The following ZNF492 variants were observed in gnomAD, a reference collection of about 807,000 sequenced individuals.
ZNF492 encodes zinc finger protein 115 (Y20).
Under a neutral mutation model 6.4 loss-of-function variants are expected in ZNF492, and 3 were observed. That is an observed-to-expected ratio of 0.47 (90% CI 0.21 to 1.22). The LOEUF (loss-of-function observed/expected upper bound fraction) is 1.22, where lower values mean the gene tolerates loss of function less well. ZNF492 is among the 50% of genes most tolerant of loss of function. The pLI, the probability that ZNF492 is intolerant of heterozygous loss-of-function variation, is 0.22. For synonymous variants in ZNF492, 112 were observed against 205.3 expected (o/e 0.55, Z 3.89); for missense variants, 356 against 612.5 (o/e 0.58, Z 4.42).
At chr19:22,662,913 T>A (rs76109292) in intron 3 of ZNF492, among the ~76,000 whole-genome samples, 1 of 151,974 alleles carries the variant, frequency 6.6e-6, no homozygotes, top group African/African-American at 2.4e-5. Flanking sequence ...TAGTTTCTTT[T>A]GCCGTGCAGA....
At chr19:22,651,128 C>T (rs1971935695) in intron 1 of ZNF492, among the ~76,000 whole-genome samples, 2 of 152,104 alleles carry the variant, frequency 1.3e-5, no homozygotes, top group Non-Finnish European at 2.9e-5. Flanking sequence ...CATTCATTCA[C>T]CGCCTCCCTT....
At chr19:22,638,737 T>C (rs537995552) in intron 1 of ZNF492, among the ~76,000 whole-genome samples, 1 of 152,296 alleles carries the variant, frequency 6.6e-6, no homozygotes, top group East Asian at 1.9e-4. Flanking sequence ...TTTTTTTGTT[T>C]TGTTTTTTAG....
rs777170830 is a variant in ZNF492 at position 22,653,381 on chromosome 19, G to C, written c.-19G>C. 1.9e-6 allele frequency: 3 copies of C among 1,613,944 alleles called. No homozygotes were observed. Among genetic ancestry groups the C allele is most frequent in the Admixed American group, 3.3e-5 (2 of 59,996 alleles). On this transcript the variant is annotated 5_prime_UTR_variant, in exon 2 of 4. Transcript: ENST00000456783. ...GGCAATGCCTGGACACCGCACAGCAGAATTTATATAGGAATGTGATGTTAG... is the reference window on the plus strand; with the variant it reads ...GGCAATGCCTGGACACCGCACAGCACAATTTATATAGGAATGTGATGTTAG...
chr19:22,636,382 C>T (rs2145239260), intron 1 of ZNF492, among the ~76,000 whole-genome samples: 1 of 152,192 alleles, frequency 6.6e-6, no homozygotes, highest in African/African-American at 2.4e-5. Flanking sequence ...AGGCATGAGC[C>T]ACCGCGCCCA....
At chr19:22,642,827 T>A (rs1011756305) in intron 1 of ZNF492, among the ~76,000 whole-genome samples, 1 of 152,178 alleles carries the variant, frequency 6.6e-6, no homozygotes, top group African/African-American at 2.4e-5. Context: ...AAAGCTCATT[T>A]TAAGAGCACT....
chr19:22,653,938 C>T lies in ZNF492; in HGVS notation c.53C>T (p.Pro18Leu), dbSNP rs371628446. The T allele has an allele frequency of 3.1e-6, 5 of 1,590,030 alleles. No individual in the cohort carries two copies. The highest frequency in any genetic ancestry group is 1.7e-6 in the Non-Finnish European group (2 of 1,174,244). The change falls in exon 3 of 4, where the codon CCA becomes CTA. Residue 18 changes from proline (P) to leucine (L), a missense_variant. Coordinates refer to ENST00000456783, the MANE Select transcript of ZNF492 (RefSeq NM_020855.3). ...LVFVGIAASKPDLITCLEQGK... is the reference protein window; with the variant it reads ...LVFVGIAASKLDLITCLEQGK... ...AAAACAGGTATTGCTGCCTCTAAGC[C>T]AGACCTGATCACCTGTCTGGAGCAA... is the stretch of plus-strand genomic sequence containing the variant.
Position 22,634,390 on chromosome 19 carries a change from A to C in ZNF492, c.-178A>C. On this transcript the variant is annotated 5_prime_UTR_variant, in exon 1 of 4. Transcript: ENST00000456783. ...GCTGTTCTGCGTCCTCTGGTCCTAG[A>C]GGCCCATCCTCTGTGGCCCTGTGAC... 7.9e-7 allele frequency: 1 copy of C among 1,268,826 alleles called. No homozygotes were observed. The highest frequency in any genetic ancestry group is 1.2e-5 in the South Asian group (1 of 84,610). 78.6% of individuals were successfully genotyped at this position (1,268,826 alleles called of 1,614,324 possible). A position where few individuals can be genotyped will look rare whatever the true frequency, so the allele number is the denominator to read the frequency against.
At chr19:22,639,500 C>T (rs755492529) in intron 1 of ZNF492, among the ~76,000 whole-genome samples, 1 of 151,778 alleles carries the variant, frequency 6.6e-6, no homozygotes, top group Non-Finnish European at 1.5e-5. Context: ...CATCTGAGGT[C>T]GGAAGTTCAA....
intron 3 of ZNF492, among the ~76,000 whole-genome samples, chr19:22,657,054 C>G (rs1428256229): frequency 6.6e-6 from 1 of 152,126 alleles, no homozygotes; most frequent in Non-Finnish European, 1.5e-5. Flanking sequence ...AGTGATGTCA[C>G]TCTTCCTGTC....
chr19:22,648,635 G>A (rs549487481), intron 1 of ZNF492, among the ~76,000 whole-genome samples: 115 of 152,280 alleles, frequency 7.6e-4, no homozygotes, highest in Admixed American at 1.4e-3. Context: ...CTCCTGCATT[G>A]GGTGCTTATG....
chr19:22,656,353 G>A (rs1366155540), intron 3 of ZNF492, among the ~76,000 whole-genome samples: 1 of 151,194 alleles, frequency 6.6e-6, no homozygotes, highest in Non-Finnish European at 1.5e-5. Context: ...ACTTTGCTCT[G>A]TAGGGCAGAC....
rs12971685 is a variant in ZNF492, at chr19:22,666,689, T to C, written c.*1424T>C. 8.5e-5 allele frequency: 13 copies of C among 152,278 alleles called. No individual in the cohort carries two copies. Among genetic ancestry groups the C allele is most frequent in the Non-Finnish European group, 1.9e-4 (13 of 68,036 alleles). 9.4% of individuals were successfully genotyped at this position (152,278 alleles called of 1,614,324 possible). On this transcript the variant is annotated 3_prime_UTR_variant, in exon 4 of 4. Transcript: ENST00000456783. ...TGAGTGATGCATGAGGTAGGTGTTCTGAGTAATATTCTGCATTATATTGAG... is the reference window on the plus strand; with the variant it reads ...TGAGTGATGCATGAGGTAGGTGTTCCGAGTAATATTCTGCATTATATTGAG...
chr19:22,655,361 ATTTTTTT>A (rs34697215), intron 3 of ZNF492, among the ~76,000 whole-genome samples: 5 of 150,692 alleles, frequency 3.3e-5, no homozygotes. Flanking sequence ...GTCTTCTCCA[ATTTTTTT>A]TTATTGATGT....
chr19:22,661,730 G>A (rs1972060707), intron 3 of ZNF492, among the ~76,000 whole-genome samples: 6 of 152,172 alleles, frequency 3.9e-5, no homozygotes, highest in African/African-American at 1.4e-4. Flanking sequence ...CCACTTAGCT[G>A]GGATTACAGG....
At chr19:22,646,028 T>C (rs563430030) in intron 1 of ZNF492, among the ~76,000 whole-genome samples, 83 of 152,322 alleles carry the variant, frequency 5.4e-4, no homozygotes, top group African/African-American at 1.9e-3. Flanking sequence ...CCATATGAAA[T>C]TTAAAGTCTT....
chr19:22,636,071 A>G (rs1213827946), intron 1 of ZNF492, among the ~76,000 whole-genome samples: 3 of 151,106 alleles, frequency 2.0e-5, no homozygotes, highest in African/African-American at 7.3e-5. Flanking sequence ...CTTTGTGTTT[A>G]CGTGTTCTTA....
chr19:22,644,727 C>T (rs1971860683), intron 1 of ZNF492, among the ~76,000 whole-genome samples: 1 of 152,118 alleles, frequency 6.6e-6, no homozygotes, highest in African/African-American at 2.4e-5. Flanking sequence ...GATTTGTATT[C>T]CTTTGAGTAT....
At chr19:22,646,032 A>C (rs1971873876) in intron 1 of ZNF492, among the ~76,000 whole-genome samples, 1 of 152,096 alleles carries the variant, frequency 6.6e-6, no homozygotes, top group African/African-American at 2.4e-5. Context: ...ATGAAATTTA[A>C]AGTCTTTTTT....
At chr19:22,656,605 G>C (rs2361251) in intron 3 of ZNF492, among the ~76,000 whole-genome samples, 1 of 152,042 alleles carries the variant, frequency 6.6e-6, no homozygotes, top group Non-Finnish European at 1.5e-5. Flanking sequence ...AGGGGTGTCT[G>C]TCTCTAGGCT....
Sources: gnomAD v4.1 joint callset for allele counts (sites outside exome capture counted in the v4.1 genomes callset) on GRCh38, gnomAD v4.1.1 for gene constraint, MANE v1.5 for transcripts, NCBI Gene and HGNC (gene_info 2026-07-23, HGNC 2026-07-21) for gene names.